ZMYND8: variants seen among roughly 807,000 people sequenced by gnomAD.
ZMYND8 encodes zinc finger MYND-type containing 8.
In ZMYND8, 37 loss-of-function variants were observed where a neutral mutation model predicts 140.8. The observed-to-expected ratio is 0.26, with a 90% CI of 0.20 to 0.35. ZMYND8 has a LOEUF of 0.35. ZMYND8 is among the 10% of genes least tolerant of loss of function. ZMYND8 has a pLI of 1.00. For missense variants in ZMYND8, 1,068 were observed against 1,570.0 expected (o/e 0.68, Z 5.40); for synonymous variants, 592 against 597.1 (o/e 0.99, Z 0.12).
At chr20:47,309,374 C>T (rs972237561) in intron 3 of ZMYND8, among the ~76,000 whole-genome samples, 3 of 151,928 alleles carry the variant, frequency 2.0e-5, no homozygotes, top group Non-Finnish European at 4.4e-5. Context: ...GGCGCGATCT[C>T]GGCTCACTGC....
intron 2 of ZMYND8, among the ~76,000 whole-genome samples, chr20:47,324,224 T>C (rs1487109161): frequency 3.3e-5 from 4 of 120,788 alleles, no homozygotes; most frequent in Non-Finnish European, 5.0e-5. Context: ...AAAAAAAGAA[T>C]GCCAAACCTT....
intron 16 of ZMYND8, among the ~76,000 whole-genome samples, chr20:47,231,252 C>A (rs1291915688): frequency 1.3e-5 from 2 of 152,166 alleles, no homozygotes; most frequent in African/African-American, 4.8e-5. Context: ...GAGGAGGGGA[C>A]AAGAGATCAG....
rs999544548 is a variant in ZMYND8 at position 47,309,979 on chromosome 20, C to G, written c.234+77G>C. The G allele has an allele frequency of 3.2e-6, 5 of 1,584,338 alleles. No individual in the cohort carries two copies. In the African/African-American group the frequency reaches 6.8e-5, roughly 22 times the overall value. Reference sequence around the variant, plus strand: ...CTAAATCCAAGAAAGCCGGCGCTTACAAGGATCCAGAGGTTCAGCGCTACT... The same window carrying G: ...CTAAATCCAAGAAAGCCGGCGCTTAGAAGGATCCAGAGGTTCAGCGCTACT... On this transcript the variant is annotated intron_variant, in intron 3 of 22. Coordinates refer to ENST00000471951, the MANE Select transcript of ZMYND8 (RefSeq NM_001281775.3).
intron 21 of ZMYND8, among the ~76,000 whole-genome samples, chr20:47,212,995 A>G (rs1367599044): frequency 6.6e-6 from 1 of 152,234 alleles, no homozygotes; most frequent in Non-Finnish European, 1.5e-5. Flanking sequence ...GCAACTCAGC[A>G]TTTTGTAAGC....
intron 12 of ZMYND8, among the ~76,000 whole-genome samples, chr20:47,255,722 GTATATA>G (rs369654557): frequency 0.04 from 3,053 of 77,212 alleles, 123 homozygotes; most frequent in Non-Finnish European, 0.05. Context: ...GTGTATGTGT[GTATATA>G]TATATATATA....
chr20:47,219,526 A>G (rs1223091059), intron 21 of ZMYND8, among the ~76,000 whole-genome samples: 1 of 151,064 alleles, frequency 6.6e-6, no homozygotes, highest in African/African-American at 2.4e-5. Context: ...ACTGTCTCAA[A>G]AAAAAAAAAA....
rs779456507 is a variant in ZMYND8, at chr20:47,236,453, GTGC to G, written c.2726_2728del (p.Ser909del). The G allele has an allele frequency of 6.2e-7, 1 of 1,613,022 alleles. No homozygotes were observed. The highest frequency in any genetic ancestry group is 8.5e-7 in the Non-Finnish European group (1 of 1,179,402). ...GCTGGTGACCAGGGGCGATGACTGT[GTGC>G]TGGTCACCAGGGTGATGGTGGACGT... On this transcript the variant is annotated inframe_deletion, in exon 16 of 23. Transcript: ENST00000471951.
intron 1 of ZMYND8, chr20:47,355,401 G>A (rs1026977688): frequency 1.3e-4 from 127 of 979,204 alleles, no homozygotes; most frequent in African/African-American, 3.3e-4. Flanking sequence ...CCAAATGTTC[G>A]CAAAACTCTT....
chr20:47,219,074 T>TTTTTTTTTTTC (rs2036554078), intron 21 of ZMYND8, among the ~76,000 whole-genome samples: 3 of 149,218 alleles, frequency 2.0e-5, no homozygotes, highest in Non-Finnish European at 4.5e-5. Context: ...TTTTTTTTTT[T>TTTTTTTTTTTC]TGAGAGAGAG....
Position 47,221,474 on chromosome 20 carries a change from G to C in ZMYND8, c.3257C>G (p.Ala1086Gly). The C allele has an allele frequency of 6.2e-7, 1 of 1,613,750 alleles. No homozygotes were observed. Among genetic ancestry groups the C allele is most frequent in the Non-Finnish European group, 8.5e-7 (1 of 1,179,938 alleles). The part of the protein sequence containing the change: ...PEHMKSCTQS[A>G]TAPQQEADAE... ...ATCCGCTTCCTGCTGAGGAGCAGTA[G>C]CTGGGGACAAAGGAGAGAGAGAGAC... Residue 1086 changes from alanine (A) to glycine (G), a missense_variant and splice_region_variant, in exon 20 of 23, where the codon GCT becomes GGT. Coordinates refer to ENST00000471951, the MANE Select transcript of ZMYND8 (RefSeq NM_001281775.3).
intron 10 of ZMYND8, among the ~76,000 whole-genome samples, chr20:47,277,819 T>C (rs2076351134): frequency 6.6e-6 from 1 of 152,072 alleles, no homozygotes; most frequent in Admixed American, 6.6e-5. Context: ...TGCAGGTGTG[T>C]GCCACCACGC....
chr20:47,235,299 A>G (rs1317674526), intron 16 of ZMYND8, among the ~76,000 whole-genome samples: 2 of 152,172 alleles, frequency 1.3e-5, no homozygotes, highest in Non-Finnish European at 2.9e-5. Flanking sequence ...TCTGGTGGTT[A>G]TTATTACCAC....
Position 47,246,485 on chromosome 20 carries a change from C to CCAG in ZMYND8, c.1806_1807insCTG (p.Thr602_Ala603insLeu), listed in dbSNP as rs775620885. The CCAG allele has an allele frequency of 6.2e-7, 1 of 1,606,042 alleles. No homozygotes were observed. The highest frequency in any genetic ancestry group is 8.5e-7 in the Non-Finnish European group (1 of 1,177,308). On this transcript the variant is annotated inframe_insertion, in exon 14 of 23. Transcript: ENST00000471951. Reference sequence around the variant, plus strand: ...TCCTCCGAATCGCTGTGCTCTACGGCCGTATAGACATCTTCCGAGATTTCA... The same window carrying CCAG: ...TCCTCCGAATCGCTGTGCTCTACGGCCAGCGTATAGACATCTTCCGAGATTTCA...
chr20:47,338,763 C>T (rs923693120), intron 2 of ZMYND8, among the ~76,000 whole-genome samples: 2 of 152,044 alleles, frequency 1.3e-5, no homozygotes, highest in East Asian at 3.9e-4. Flanking sequence ...TGATCCCTTC[C>T]CCTCAATGAT....
chr20:47,305,040 C>A (rs1423038672), intron 3 of ZMYND8, among the ~76,000 whole-genome samples: 1 of 151,850 alleles, frequency 6.6e-6, no homozygotes, highest in Non-Finnish European at 1.5e-5. Context: ...CCCAGGAGTC[C>A]GCGACCAGCC....
chr20:47,219,859 T>C (rs995138592), intron 21 of ZMYND8, among the ~76,000 whole-genome samples: 3 of 152,076 alleles, frequency 2.0e-5, no homozygotes, highest in African/African-American at 4.8e-5. Flanking sequence ...AGCGCCTTCA[T>C]CCACCATATG....
chr20:47,242,578 G>A (rs2040099148), intron 14 of ZMYND8, among the ~76,000 whole-genome samples: 1 of 152,158 alleles, frequency 6.6e-6, no homozygotes, highest in African/African-American at 2.4e-5. Flanking sequence ...TTGTTGATGA[G>A]CTAGCCTGTC....
At chr20:47,336,633 A>G (rs2081405655) in intron 2 of ZMYND8, among the ~76,000 whole-genome samples, 1 of 152,204 alleles carries the variant, frequency 6.6e-6, no homozygotes, top group Admixed American at 6.5e-5. Context: ...TCTGCAATGA[A>G]TTGTGCCTTG....
At chr20:47,226,571 T>A in intron 18 of ZMYND8, among the ~76,000 whole-genome samples, 1 of 152,218 alleles carries the variant, frequency 6.6e-6, no homozygotes, top group East Asian at 1.9e-4. Flanking sequence ...AGACTTGAAC[T>A]GTGGCCGTGT....
Sources: gnomAD v4.1 joint callset for allele counts (sites outside exome capture counted in the v4.1 genomes callset) on GRCh38, gnomAD v4.1.1 for gene constraint, MANE v1.5 for transcripts, NCBI Gene and HGNC (gene_info 2026-07-23, HGNC 2026-07-21) for gene names.